COL27A1: variants seen among roughly 807,000 people sequenced by gnomAD.
COL27A1 encodes the protein collagen alpha-1(XXVII) chain.
In COL27A1, 106 loss-of-function variants were observed where a neutral mutation model predicts 251.3. The observed-to-expected ratio is 0.42, with a 90% confidence interval of 0.36 to 0.50. The LOEUF is 0.50. COL27A1 is among the 20% of genes least tolerant of loss of function. COL27A1 has a pLI of 0.00. For synonymous variants in COL27A1, 1,000 were observed against 986.3 expected (o/e 1.01, Z -0.26); for missense variants, 2,325 against 2,522.8 (o/e 0.92, Z 1.68).
At chr9:114,197,179 T>G (rs1829202536) in intron 7 of COL27A1, among the ~76,000 whole-genome samples, 1 of 152,168 alleles carries the variant, frequency 6.6e-6, no homozygotes, top group Non-Finnish European at 1.5e-5. Flanking sequence ...TGTCTTAAGC[T>G]TCTGCCCTGG....
At chr9:114,272,351 A>C (rs575087900) in intron 36 of COL27A1, 5 of 152,182 alleles carry the variant, frequency 3.3e-5, no homozygotes, top group Middle Eastern at 3.2e-3. Context: ...TGCCTCATGC[A>C]GTCTTCTGCC....
intron 11 of COL27A1, 129 bp from the exon 12 acceptor site, chr9:114,210,853 C>G: frequency 1.2e-6 from 1 of 868,748 alleles, no homozygotes; most frequent in East Asian, 2.5e-5. Flanking sequence ...CTGGGGCCGC[C>G]ACGCAAGTGG....
chr9:114,269,494 A>G (rs1181295055), intron 35 of COL27A1, among the ~76,000 whole-genome samples, 200 bp downstream of exon 35: 6 of 151,268 alleles, frequency 4.0e-5, no homozygotes, highest in African/African-American at 1.2e-4. Context: ...TGTGGTCTGT[A>G]GTCCCAGCTA....
At chr9:114,304,995 G>A (rs548026706) in intron 57 of COL27A1, among the ~76,000 whole-genome samples, 4 of 152,316 alleles carry the variant, frequency 2.6e-5, no homozygotes, top group South Asian at 2.1e-4. Flanking sequence ...CCCAGAGCCC[G>A]CAGCAGCTTC....
At chr9:114,268,028 G>A (rs1275235704) in intron 34 of COL27A1, among the ~76,000 whole-genome samples, 1 of 152,202 alleles carries the variant, frequency 6.6e-6, no homozygotes, top group African/African-American at 2.4e-5. Flanking sequence ...GAGGGGCTGT[G>A]AGACTTGAGT....
At chr9:114,269,374 T>C in intron 35 of COL27A1, 80 bp downstream of exon 35, 1 of 1,004,816 alleles carries the variant, frequency 1.0e-6, no homozygotes, top group Non-Finnish European at 1.5e-6. Flanking sequence ...CTTTTCTCAA[T>C]CTCCCTAAGC....
chr9:114,278,632 G>A (rs1017517688), intron 37 of COL27A1, among the ~76,000 whole-genome samples: 3 of 150,496 alleles, frequency 2.0e-5, no homozygotes, highest in Non-Finnish European at 4.4e-5. Flanking sequence ...GTATGGCGTA[G>A]GTAGTGGTGA....
At chr9:114,271,053 T>C (rs1835103393) in intron 36 of COL27A1, 8 of 465,342 alleles carry the variant, frequency 1.7e-5, no homozygotes, top group Non-Finnish European at 2.6e-5. Context: ...TTCTCTTGGC[T>C]AAGGGTGATT....
At chr9:114,181,928 G>C (rs550444527) in intron 4 of COL27A1, among the ~76,000 whole-genome samples, 2 of 152,296 alleles carry the variant, frequency 1.3e-5, no homozygotes, top group South Asian at 4.1e-4. Context: ...TGAAAGCTTG[G>C]AGCTTGCAGG....
At chr9:114,203,882 G>C (rs1829744507) in intron 7 of COL27A1, among the ~76,000 whole-genome samples, 1 of 152,108 alleles carries the variant, frequency 6.6e-6, no homozygotes, top group Non-Finnish European at 1.5e-5. Flanking sequence ...TTAGCAATGG[G>C]ACTCAGAGTA....
At chr9:114,230,959 C>A in intron 14 of COL27A1, 120 bp from the exon 15 acceptor site, 1 of 705,848 alleles carries the variant, frequency 1.4e-6, no homozygotes, top group Non-Finnish European at 2.4e-6. Context: ...CAAGATCAAT[C>A]CTACAGAGTT....
intron 3 of COL27A1, among the ~76,000 whole-genome samples, chr9:114,173,482 G>T (rs1234488562): frequency 6.7e-6 from 1 of 149,490 alleles, no homozygotes; most frequent in Non-Finnish European, 1.5e-5. Flanking sequence ...AAAGAACATA[G>T]GCTTTGGATT....
chr9:114,300,629 C>G lies in COL27A1; in HGVS notation c.4643C>G (p.Pro1548Arg), dbSNP rs750599765. ...GMAGLFGPKG[P>R]PGDIGFKGIQ... ...CCCTTTCTCTGCCTCCCACAGGGCC[C>G]GCCTGGAGACATTGGCTTCAAAGGC... is the stretch of plus-strand genomic sequence containing the variant. Residue 1548 changes from proline (P) to arginine (R), a missense_variant, in exon 51 of 61, where the codon CCG becomes CGG. Pro to Arg is a moderately radical substitution (Grantham distance 103, BLOSUM62 -2). Coordinates refer to ENST00000356083, the MANE Select transcript of COL27A1 (RefSeq NM_032888.4). 2.0e-6 allele frequency: 3 copies of G among 1,535,024 alleles called. No individual in the cohort carries two copies. The highest frequency in any genetic ancestry group is 2.6e-6 in the Non-Finnish European group (3 of 1,144,008).
At position 114,301,139 on chromosome 9, in the gene COL27A1, T is replaced by C. The variant is rs371624752; in HGVS notation, c.4755+14T>C. 7 of 1,613,696 alleles carry C rather than the reference T, an allele frequency of 4.3e-6. No homozygotes were observed. The African/African-American group carries it at 9.3e-5, about 22-fold the overall frequency. On this transcript the variant is annotated intron_variant, in intron 52 of 60. Coordinates refer to ENST00000356083, the MANE Select transcript of COL27A1 (RefSeq NM_032888.4). The stretch of plus-strand genomic sequence containing the variant: ...TCGGGACTCCCGGTATGTGTGGGGA[T>C]TGGACAGGAAGACTCCGGGGTCCCC...
At chr9:114,269,634 A>AAAAAAAAAAAAAAAAG in intron 35 of COL27A1, among the ~76,000 whole-genome samples, 1 of 114,348 alleles carries the variant, frequency 8.7e-6, no homozygotes. Flanking sequence ...AAAAAAAAAA[A>AAAAAAAAAAAAAAAAG]AAGAAGAAGA....
rs1345648053 is a variant in COL27A1 at position 114,162,792 on chromosome 9, C to A, written c.133+7C>A. Reference sequence around the variant, plus strand: ...ACCCAAGGAGCTCCTGAAGGTAATTCTCTCTTCTCTTTGTCCAGGGGGAGA... The same window carrying A: ...ACCCAAGGAGCTCCTGAAGGTAATTATCTCTTCTCTTTGTCCAGGGGGAGA... On this transcript the variant is annotated splice_region_variant and intron_variant, in intron 2 of 60. Transcript: ENST00000356083. 2 of 1,606,224 alleles carry A rather than the reference C, an allele frequency of 1.2e-6. No homozygotes were observed. The highest frequency in any genetic ancestry group is 1.3e-5 in the African/African-American group (1 of 74,702).
Position 114,252,910 on chromosome 9 carries a change from C to A in COL27A1, c.3119C>A (p.Thr1040Asn), listed in dbSNP as rs771219695. ...CCTGGAATGCCAGGTGGTATGGGGA[C>A]CCCTGGAGAGCCTGGACCCCAGGTA... ...GHPGMPGGMG[T>N]PGEPGPQGPP... The change falls in exon 27 of 61, where the codon ACC becomes AAC. Residue 1040 changes from threonine (T) to asparagine (N), a missense_variant. By Grantham distance (65) the Thr-to-Asn change is moderately conservative (BLOSUM62 0). Coordinates refer to ENST00000356083, the MANE Select transcript of COL27A1 (RefSeq NM_032888.4). 11 of 1,613,648 alleles carry A rather than the reference C, an allele frequency of 6.8e-6. No individual in the cohort carries two copies. The East Asian group carries it at 8.9e-5, about 13-fold the overall frequency.
chr9:114,156,391 T>C (rs912739611), intron 1 of COL27A1, among the ~76,000 whole-genome samples: 1 of 151,696 alleles, frequency 6.6e-6, no homozygotes, highest in Non-Finnish European at 1.5e-5. Flanking sequence ...TGTTCCGGTG[T>C]CTCAGTGTCT....
intron 27 of COL27A1, among the ~76,000 whole-genome samples, chr9:114,255,013 A>G (rs369869398): frequency 6.6e-6 from 1 of 152,356 alleles, no homozygotes; most frequent in East Asian, 1.9e-4. Flanking sequence ...AGGAGAAGGC[A>G]TCAGCACCAG....
Sources: allele counts gnomAD v4.1 joint callset (sites outside exome capture counted in the v4.1 genomes callset), GRCh38; gene constraint gnomAD v4.1.1; transcripts MANE v1.5; gene names NCBI Gene and HGNC (gene_info 2026-07-23, HGNC 2026-07-21).